Variants in CTNNA2 observed in about 807,000 individuals in gnomAD.
CTNNA2 encodes the protein catenin alpha 2.
CTNNA2 carries 42 observed loss-of-function variants against 101.0 expected under a neutral mutation model. That is an observed-to-expected ratio of 0.42 (90% CI 0.32 to 0.54). The LOEUF is 0.54. Ranked by LOEUF, CTNNA2 falls within the 20% of genes least tolerant of loss-of-function variation. The pLI, the probability that CTNNA2 is intolerant of heterozygous loss-of-function variation, is 0.14. For missense variants in CTNNA2, 871 were observed against 1,223.1 expected (o/e 0.71, Z 4.29); for synonymous variants, 450 against 456.4 (o/e 0.99, Z 0.18).
chr2:80,540,129 A>G (rs1691419768), intron 9 of CTNNA2, among the ~76,000 whole-genome samples: 2 of 152,188 alleles, frequency 1.3e-5, no homozygotes, highest in Non-Finnish European at 1.5e-5. Flanking sequence ...TCAAGTGTCT[A>G]GTAATTCCAG....
At chr2:80,200,510 A>G (rs547546159) in intron 7 of CTNNA2, among the ~76,000 whole-genome samples, 1 of 147,136 alleles carries the variant, frequency 6.8e-6, no homozygotes, top group South Asian at 2.2e-4. Context: ...GCATGGACAT[A>G]TTAAAGTGAG....
At chr2:79,819,356 T>C (rs549986975) in intron 3 of CTNNA2, among the ~76,000 whole-genome samples, 1 of 152,330 alleles carries the variant, frequency 6.6e-6, no homozygotes, top group African/African-American at 2.4e-5. Context: ...TTATATGACA[T>C]ACACACTTTC....
intron 7 of CTNNA2, among the ~76,000 whole-genome samples, chr2:79,985,647 T>C (rs936238766): frequency 1.3e-5 from 2 of 152,204 alleles, no homozygotes; most frequent in Admixed American, 1.3e-4. Flanking sequence ...ATGTTGCTCA[T>C]TAAGCAAACT....
intron 4 of CTNNA2, among the ~76,000 whole-genome samples, chr2:79,492,833 C>A (rs1451144732): frequency 1.3e-5 from 2 of 152,052 alleles, no homozygotes; most frequent in Non-Finnish European, 2.9e-5. Flanking sequence ...AAAAATGAGT[C>A]TAGTAACATA....
intron 15 of CTNNA2, chr2:80,603,437 A>G (rs1266786728): frequency 6.6e-6 from 1 of 152,114 alleles, no homozygotes; most frequent in African/African-American, 2.4e-5. Context: ...CAGTATCGGA[A>G]GCCCACAGGC....
intron 3 of CTNNA2, among the ~76,000 whole-genome samples, chr2:79,365,104 G>A (rs559579235): frequency 8.6e-5 from 13 of 151,836 alleles, no homozygotes; most frequent in African/African-American, 2.2e-4. Context: ...CTGAAACCCC[G>A]CCTCTACTAA....
intron 7 of CTNNA2, among the ~76,000 whole-genome samples, chr2:80,309,456 T>C (rs2149223544): frequency 6.6e-6 from 1 of 152,268 alleles, no homozygotes; most frequent in African/African-American, 2.4e-5. Context: ...TTTCTAATGA[T>C]AGTATTTTAA....
At chr2:80,136,501 T>A (rs921906503) in intron 7 of CTNNA2, among the ~76,000 whole-genome samples, 22 of 152,170 alleles carry the variant, frequency 1.4e-4, no homozygotes, top group African/African-American at 5.3e-4. Flanking sequence ...ACCTCTTTCT[T>A]ATGCAGTTTC....
At chr2:79,355,675 T>G (rs765692362) in intron 3 of CTNNA2, among the ~76,000 whole-genome samples, 10 of 152,222 alleles carry the variant, frequency 6.6e-5, no homozygotes, top group Non-Finnish European at 2.9e-5. Flanking sequence ...TTGAATATAT[T>G]AAGTTAATGG....
chr2:79,953,032 C>G (rs1169285942), intron 7 of CTNNA2, among the ~76,000 whole-genome samples: 1 of 152,164 alleles, frequency 6.6e-6, no homozygotes, highest in African/African-American at 2.4e-5. Flanking sequence ...AACTAACATC[C>G]TATGAATGAA....
In CTNNA2 at chr2:79,656,309, G is replaced by A. The variant is rs1259241813; in HGVS notation, c.102+4651G>A. Among the ~76,000 whole-genome samples, 5 of 152,206 alleles carry A rather than the reference G, an allele frequency of 3.3e-5. No individual in the cohort carries two copies. The South Asian group carries it at 8.3e-4, about 25-fold the overall frequency. On this transcript the variant is annotated intron_variant, in intron 2 of 18. Transcript: ENST00000402739. ...ATAAACTTCTTACTCAACATTTAAA[G>A]CAAACTGGAACTGTGAGAGGGAACC... is the stretch of plus-strand genomic sequence containing the variant.
chr2:80,384,406 C>T (rs892831261), intron 7 of CTNNA2, among the ~76,000 whole-genome samples: 3 of 150,058 alleles, frequency 2.0e-5, no homozygotes, highest in African/African-American at 4.9e-5. Context: ...TGTGTATCCC[C>T]GAACCTCAAA....
chr2:79,206,107 G>T (rs1292690803), intron 2 of CTNNA2, among the ~76,000 whole-genome samples: 1 of 152,024 alleles, frequency 6.6e-6, no homozygotes, highest in Non-Finnish European at 1.5e-5. Context: ...TAGCATTTTT[G>T]TTCATTTATT....
At chr2:79,516,100 C>T (rs1002617748) in intron 1 of CTNNA2, among the ~76,000 whole-genome samples, 3 of 152,136 alleles carry the variant, frequency 2.0e-5, no homozygotes, top group Admixed American at 2.0e-4. Flanking sequence ...TGAGTACAGG[C>T]TCTAGTTCTT....
At chr2:79,687,643 C>T in intron 2 of CTNNA2, 2 of 664,462 alleles carry the variant, frequency 3.0e-6, no homozygotes, top group Non-Finnish European at 5.5e-6. Context: ...AAAAAGGATA[C>T]CTGTTGAATT....
intron 15 of CTNNA2, among the ~76,000 whole-genome samples, chr2:80,596,434 C>CGA (rs1199286350): frequency 4.7e-5 from 7 of 150,376 alleles, no homozygotes; most frequent in Admixed American, 4.6e-4. Context: ...CTCAGCCTCC[C>CGA]GAGTAGCTGG....
At chr2:80,337,407 T>G (rs2149272349) in intron 7 of CTNNA2, among the ~76,000 whole-genome samples, 1 of 150,864 alleles carries the variant, frequency 6.6e-6, no homozygotes, top group South Asian at 2.1e-4. Context: ...AAAAAAAAAG[T>G]CACAAGCTCT....
chr2:79,331,325 T>C (rs1326842616), intron 3 of CTNNA2, among the ~76,000 whole-genome samples: 2 of 152,170 alleles, frequency 1.3e-5, no homozygotes, highest in Non-Finnish European at 2.9e-5. Context: ...GGGATGTTTA[T>C]CCAGCATTGT....
intron 7 of CTNNA2, among the ~76,000 whole-genome samples, chr2:80,226,429 G>A (rs942743649): frequency 6.6e-6 from 1 of 152,210 alleles, no homozygotes; most frequent in South Asian, 2.1e-4. Flanking sequence ...GTTCAAATGT[G>A]TTTGTTCGTG....
Sources: allele counts gnomAD v4.1 joint callset (sites outside exome capture counted in the v4.1 genomes callset), GRCh38; gene constraint gnomAD v4.1.1; transcripts MANE v1.5; gene names NCBI Gene and HGNC (gene_info 2026-07-23, HGNC 2026-07-21).